COL23A1: variants seen among roughly 807,000 people sequenced by gnomAD.
COL23A1 encodes collagen alpha-1(XXIII) chain.
A neutral mutation model predicts 99.3 loss-of-function variants in COL23A1; 97 were observed. That is an observed-to-expected ratio of 0.98 (90% CI 0.83 to 1.16). The LOEUF (loss-of-function observed/expected upper bound fraction) is 1.16, where lower values mean the gene tolerates loss of function less well. COL23A1 is among the 50% of genes most tolerant of loss of function. The probability of loss-of-function intolerance (pLI) is 0.00; values close to 1 mark genes in which losing one functional copy is unlikely to be tolerated. For missense variants in COL23A1, 762 were observed against 757.4 expected (o/e 1.01, Z -0.07); for synonymous variants, 320 against 308.2 (o/e 1.04, Z -0.40).
chr5:178,460,634 C>T lies in COL23A1; in HGVS notation c.361+100048G>A, dbSNP rs79524140. ...GCAGCCTCGGCTTCCCAGATGCTTT[C>T]CATGCAGTCTGACAAGTATCCCACC... On this transcript the variant is annotated intron_variant, in intron 2 of 28. Coordinates refer to ENST00000390654, the MANE Select transcript of COL23A1 (RefSeq NM_173465.4). Among the ~76,000 whole-genome samples, 13 of 152,312 alleles carry T rather than the reference C, an allele frequency of 8.5e-5. No individual in the cohort carries two copies. In the East Asian group the frequency reaches 2.3e-3, roughly 27 times the overall value.
At chr5:178,381,166 G>A (rs922214710) in intron 2 of COL23A1, among the ~76,000 whole-genome samples, 30 of 152,248 alleles carry the variant, frequency 2.0e-4, no homozygotes, top group African/African-American at 6.8e-4. Context: ...CACCTGTGAG[G>A]ATTGGTGACG....
chr5:178,274,865 T>A (rs1756499085), intron 5 of COL23A1, among the ~76,000 whole-genome samples: 1 of 152,224 alleles, frequency 6.6e-6, no homozygotes, highest in South Asian at 2.1e-4. Flanking sequence ...ATCAAAGCCC[T>A]TGAATCCACC....
At chr5:178,421,061 T>A (rs1765609250) in intron 2 of COL23A1, among the ~76,000 whole-genome samples, 1 of 152,070 alleles carries the variant, frequency 6.6e-6, no homozygotes, top group African/African-American at 2.4e-5. Context: ...TAAAACACTC[T>A]CTGCTCCCTT....
Position 178,306,141 on chromosome 5 carries a change from G to A in COL23A1, c.406+734C>T, listed in dbSNP as rs1209501463. Among the ~76,000 whole-genome samples the A allele has an allele frequency of 1.3e-5, 2 of 152,232 alleles. No homozygotes were observed. The highest frequency in any genetic ancestry group is 2.1e-4 in the South Asian group (1 of 4,828). ...TCCCGTGAGAATGGCAAAGGAGCCCGGGTCACAGATGAGGGAGGAAGCGCA... is the reference window on the plus strand; with the variant it reads ...TCCCGTGAGAATGGCAAAGGAGCCCAGGTCACAGATGAGGGAGGAAGCGCA... On this transcript the variant is annotated intron_variant, in intron 3 of 28. Transcript: ENST00000390654. This position sits in a 1 kb window ranked among gnomAD's most constrained non-coding sequence, Gnocchi z 4.1.
intron 2 of COL23A1, among the ~76,000 whole-genome samples, chr5:178,529,561 T>C (rs1760522819): frequency 6.6e-6 from 1 of 152,104 alleles, no homozygotes; most frequent in Non-Finnish European, 1.5e-5. Context: ...ACAAACAAAA[T>C]TCATTTTTTT....
intron 2 of COL23A1, among the ~76,000 whole-genome samples, chr5:178,336,360 G>A (rs1214230850): frequency 6.6e-6 from 1 of 152,166 alleles, no homozygotes; most frequent in African/African-American, 2.4e-5. Flanking sequence ...TGATGAATGG[G>A]TAAACAAAAC....
chr5:178,292,902 T>C (rs1757538821), intron 3 of COL23A1, among the ~76,000 whole-genome samples: 1 of 152,064 alleles, frequency 6.6e-6, no homozygotes, highest in Non-Finnish European at 1.5e-5. Flanking sequence ...GTAGAGAAAG[T>C]GTCTCAGGAG....
Position 178,296,270 on chromosome 5 carries a change from G to T in COL23A1, c.407-5901C>A, listed in dbSNP as rs4362954. On this transcript the variant is annotated intron_variant, in intron 3 of 28. Transcript: ENST00000390654. The stretch of plus-strand genomic sequence containing the variant: ...GCCCAGATGAGACGAAGGAGGGGCT[G>T]TAAGAGTCAACATCGCTCCCTCACT... 3.5e-3 allele frequency among the ~76,000 whole-genome samples: 532 copies of T among 152,326 alleles called. 16 individuals are homozygous for T. The East Asian group carries it at 0.071, about 20-fold the overall frequency.
intron 12 of COL23A1, 95 bp downstream of exon 12, chr5:178,259,626 T>TA: frequency 6.5e-6 from 7 of 1,073,918 alleles, no homozygotes; most frequent in Non-Finnish European, 9.4e-6. Flanking sequence ...GCCCATCCCG[T>TA]CCCCATCCCC....
intron 2 of COL23A1, among the ~76,000 whole-genome samples, chr5:178,382,164 G>A (rs1055552426): frequency 1.3e-5 from 2 of 152,160 alleles, no homozygotes; most frequent in African/African-American, 2.4e-5. Context: ...CTGAGAGGCC[G>A]ACGCTCAGAG....
At chr5:178,455,328 A>G (rs1164783104) in intron 2 of COL23A1, among the ~76,000 whole-genome samples, 1 of 152,110 alleles carries the variant, frequency 6.6e-6, no homozygotes, top group Non-Finnish European at 1.5e-5. Flanking sequence ...GCAGAGTGAC[A>G]GCTGGGGGCC....
At chr5:178,541,100 A>G (rs1761259983) in intron 2 of COL23A1, among the ~76,000 whole-genome samples, 1 of 152,204 alleles carries the variant, frequency 6.6e-6, no homozygotes, top group Non-Finnish European at 1.5e-5. Flanking sequence ...ACTAACTATC[A>G]AGTTTTGGGA....
chr5:178,269,699 A>AT (rs1756171606), intron 6 of COL23A1, among the ~76,000 whole-genome samples: 1 of 145,066 alleles, frequency 6.9e-6, no homozygotes, highest in South Asian at 2.2e-4. Context: ...CCATCCACCC[A>AT]TTCCCCCACC....
At chr5:178,455,413 G>C (rs932198955) in intron 2 of COL23A1, among the ~76,000 whole-genome samples, 1 of 152,176 alleles carries the variant, frequency 6.6e-6, no homozygotes, top group African/African-American at 2.4e-5. Flanking sequence ...TGGAACCCCA[G>C]GGGGGCTGCA....
intron 1 of COL23A1, among the ~76,000 whole-genome samples, chr5:178,574,066 C>A (rs993095928): frequency 1.3e-5 from 2 of 152,132 alleles, no homozygotes; most frequent in Non-Finnish European, 2.9e-5. Context: ...ACCATGTTGA[C>A]CAGGCTACTC....
intron 2 of COL23A1, among the ~76,000 whole-genome samples, chr5:178,443,734 A>T (rs1767010175): frequency 6.6e-6 from 1 of 152,068 alleles, no homozygotes. Context: ...CTGGGATTAC[A>T]GGCGTCAGCC....
chr5:178,543,309 G>A (rs981964382), intron 2 of COL23A1, among the ~76,000 whole-genome samples: 6 of 152,080 alleles, frequency 3.9e-5, no homozygotes, highest in East Asian at 1.9e-4. Flanking sequence ...GTTTCACCAC[G>A]TTGGCCAGGC....
Position 178,240,497 on chromosome 5 carries a change from C to T in COL23A1, c.1582-1318G>A, listed in dbSNP as rs542695193. 1.0e-3 allele frequency among the ~76,000 whole-genome samples: 153 copies of T among 152,342 alleles called. 1 individual carries two copies. The highest frequency in any genetic ancestry group is 3.5e-3 in the African/African-American group (146 of 41,584). On this transcript the variant is annotated intron_variant, in intron 27 of 28. Coordinates refer to ENST00000390654, the MANE Select transcript of COL23A1 (RefSeq NM_173465.4). ...GCCCATTGCCCCTCGCAGGGCCCCG[C>T]CAGCCTGGTGCCCCTCTCCGGCCTC...
chr5:178,577,973 T>C (rs753873035), intron 1 of COL23A1, among the ~76,000 whole-genome samples: 1 of 148,744 alleles, frequency 6.7e-6, no homozygotes, highest in East Asian at 2.3e-4. Flanking sequence ...TGGTCCCATC[T>C]GGGGACCTTA....
Sources: gnomAD v4.1 joint callset for allele counts (sites outside exome capture counted in the v4.1 genomes callset) on GRCh38, gnomAD v4.1.1 for gene constraint, Gnocchi (gnomAD v3.1) non-coding constraint, MANE v1.5 for transcripts, NCBI Gene and HGNC (gene_info 2026-07-23, HGNC 2026-07-21) for gene names.